The following ADAMTSL1 variants were observed in gnomAD, a reference collection of about 807,000 sequenced individuals.
ADAMTSL1 encodes the protein ADAMTS like 1, also known as ADAMTS-like protein 1.
ADAMTSL1 carries 126 observed loss-of-function variants against 201.8 expected under a neutral mutation model. The ratio of observed to expected loss-of-function variants is 0.62; its 90% CI spans 0.54 to 0.72. ADAMTSL1 has a LOEUF of 0.72. ADAMTSL1 is among the 30% of genes least tolerant of loss of function. The pLI, the probability that ADAMTSL1 is intolerant of heterozygous loss-of-function variation, is 0.00. For synonymous variants in ADAMTSL1, 1,121 were observed against 903.4 expected (o/e 1.24, Z -4.32); for missense variants, 2,679 against 2,277.8 (o/e 1.18, Z -3.59).
At chr9:18,137,421 A>G (rs1743415455) in intron 1 of ADAMTSL1, among the ~76,000 whole-genome samples, 1 of 152,130 alleles carries the variant, frequency 6.6e-6, no homozygotes, top group East Asian at 1.9e-4. Flanking sequence ...TGGAAAACAC[A>G]TGGGGGTCTT....
intron 2 of ADAMTSL1, among the ~76,000 whole-genome samples, chr9:18,231,881 T>C (rs1554642709): frequency 6.6e-6 from 1 of 152,116 alleles, no homozygotes; most frequent in Non-Finnish European, 1.5e-5. Context: ...CTACCCTCAG[T>C]CTTACCACCT....
chr9:17,951,503 A>G (rs1039137928), intron 1 of ADAMTSL1, among the ~76,000 whole-genome samples: 1 of 152,122 alleles, frequency 6.6e-6, no homozygotes, highest in Non-Finnish European at 1.5e-5. Flanking sequence ...TGAGTTTTAA[A>G]TTGTATCACA....
chr9:18,820,793 G>C (rs1013729303), intron 21 of ADAMTSL1, among the ~76,000 whole-genome samples: 1 of 152,190 alleles, frequency 6.6e-6, no homozygotes, highest in African/African-American at 2.4e-5. Flanking sequence ...CTAATCCACT[G>C]TATCACTCCC....
intron 2 of ADAMTSL1, among the ~76,000 whole-genome samples, chr9:18,172,675 G>A (rs944018040): frequency 6.6e-6 from 1 of 152,000 alleles, no homozygotes; most frequent in Non-Finnish European, 1.5e-5. Context: ...ATTAAGTATT[G>A]AATGTTATAG....
chr9:18,631,666 G>A (rs779041602), intron 5 of ADAMTSL1, among the ~76,000 whole-genome samples: 3 of 151,986 alleles, frequency 2.0e-5, no homozygotes, highest in East Asian at 1.9e-4. Context: ...TGTGAATCAC[G>A]CAGAACATCC....
At chr9:18,707,116 T>A in intron 14 of ADAMTSL1, 68 bp downstream of exon 14, 1 of 1,527,006 alleles carries the variant, frequency 6.5e-7, no homozygotes, top group South Asian at 1.3e-5. Context: ...TGCATGCAGC[T>A]GGATCATGTG....
At chr9:18,780,345 A>T (rs2133774971) in intron 19 of ADAMTSL1, among the ~76,000 whole-genome samples, 1 of 152,230 alleles carries the variant, frequency 6.6e-6, no homozygotes, top group Non-Finnish European at 1.5e-5. Flanking sequence ...GAAGGTTAAA[A>T]CTCATATGCT....
chr9:18,449,346 C>G (rs1027090016), intron 2 of ADAMTSL1, among the ~76,000 whole-genome samples: 1 of 151,520 alleles, frequency 6.6e-6, no homozygotes, highest in Non-Finnish European at 1.5e-5. Flanking sequence ...ATTTGTAAAA[C>G]AGTGATTAGA....
intron 1 of ADAMTSL1, among the ~76,000 whole-genome samples, chr9:17,992,641 A>T (rs983350389): frequency 6.6e-6 from 1 of 152,106 alleles, no homozygotes; most frequent in African/African-American, 2.4e-5. Flanking sequence ...AAAATAAAAG[A>T]TTAGCCCTGT....
At chr9:17,972,032 A>G (rs983740371) in intron 1 of ADAMTSL1, among the ~76,000 whole-genome samples, 1 of 152,092 alleles carries the variant, frequency 6.6e-6, no homozygotes, top group South Asian at 2.1e-4. Context: ...GTTTTGATAT[A>G]TGTATACATT....
chr9:18,208,127 G>A (rs919185445), intron 2 of ADAMTSL1, among the ~76,000 whole-genome samples: 7 of 152,106 alleles, frequency 4.6e-5, no homozygotes, highest in Non-Finnish European at 1.5e-5. Context: ...AGTTGAAAAC[G>A]CTTAGTCCAG....
intron 4 of ADAMTSL1, among the ~76,000 whole-genome samples, chr9:18,604,618 A>G (rs2132559721): frequency 6.6e-6 from 1 of 152,262 alleles, no homozygotes; most frequent in East Asian, 1.9e-4. Flanking sequence ...GCTGAATAAT[A>G]TTTTGTTGTA....
chr9:18,021,073 G>A (rs1013008367), intron 1 of ADAMTSL1, among the ~76,000 whole-genome samples: 2 of 152,080 alleles, frequency 1.3e-5, no homozygotes, highest in East Asian at 3.9e-4. Context: ...CCTCACCTCA[G>A]GTGTAATGAA....
chr9:18,036,528 A>G (rs913656092), intron 1 of ADAMTSL1, among the ~76,000 whole-genome samples: 1 of 152,180 alleles, frequency 6.6e-6, no homozygotes, highest in Non-Finnish European at 1.5e-5. Flanking sequence ...AATTCTGGCC[A>G]TGGTATGTTT....
chr9:18,235,250 T>C (rs973670270), intron 2 of ADAMTSL1, among the ~76,000 whole-genome samples: 6 of 152,186 alleles, frequency 3.9e-5, no homozygotes, highest in African/African-American at 1.4e-4. Context: ...TTTTCTCGAA[T>C]GTCTGAAATT....
At chr9:17,975,618 C>G (rs950729943) in intron 1 of ADAMTSL1, among the ~76,000 whole-genome samples, 10 of 152,046 alleles carry the variant, frequency 6.6e-5, no homozygotes, top group African/African-American at 2.4e-4. Context: ...ACACTAACCT[C>G]TTATCACAGA....
At chr9:18,551,129 A>C (rs181388148) in intron 3 of ADAMTSL1, among the ~76,000 whole-genome samples, 17 of 151,988 alleles carry the variant, frequency 1.1e-4, no homozygotes, top group Admixed American at 1.0e-3. Context: ...AAAATGCCAA[A>C]GTTTTCCAAA....
At chr9:17,952,745 T>C (rs1365930436) in intron 1 of ADAMTSL1, among the ~76,000 whole-genome samples, 1 of 152,164 alleles carries the variant, frequency 6.6e-6, no homozygotes, top group Non-Finnish European at 1.5e-5. Context: ...CAGGCTGGTC[T>C]CGAACTCCTG....
chr9:18,374,119 A>G (rs1837178521), intron 2 of ADAMTSL1, among the ~76,000 whole-genome samples: 1 of 152,152 alleles, frequency 6.6e-6, no homozygotes, highest in Admixed American at 6.5e-5. Context: ...GGCATCAGCA[A>G]TTTTAAAAGC....
Sources: gnomAD v4.1 joint callset for allele counts (sites outside exome capture counted in the v4.1 genomes callset) on GRCh38, gnomAD v4.1.1 for gene constraint, MANE v1.5 for transcripts, NCBI Gene and HGNC (gene_info 2026-07-23, HGNC 2026-07-21) for gene names.